CSMD1: variants seen among roughly 807,000 people sequenced by gnomAD.
The protein encoded by CSMD1 is CUB and sushi domain-containing protein 1.
Under a neutral mutation model 417.5 loss-of-function variants are expected in CSMD1, and 213 were observed. That is an observed-to-expected ratio of 0.51 (90% CI 0.46 to 0.57). The LOEUF is 0.57. CSMD1 is among the 20% of genes least tolerant of loss of function. CSMD1 has a pLI of 0.00. For synonymous variants in CSMD1, 2,862 were observed against 1,736.8 expected (o/e 1.65, Z -16.11); for missense variants, 6,923 against 4,529.7 (o/e 1.53, Z -15.17).
intron 5 of CSMD1, among the ~76,000 whole-genome samples, chr8:3,788,904 G>C (rs766311414): frequency 8.5e-5 from 13 of 152,166 alleles, no homozygotes; most frequent in Non-Finnish European, 1.8e-4. Context: ...GCTCAGAGGA[G>C]GAAAGGGACT....
chr8:4,377,696 A>C (rs988231019), intron 3 of CSMD1, among the ~76,000 whole-genome samples: 1 of 152,212 alleles, frequency 6.6e-6, no homozygotes, highest in Admixed American at 6.5e-5. Flanking sequence ...TAAAAATTTC[A>C]TCTGTGGCAT....
intron 4 of CSMD1, among the ~76,000 whole-genome samples, chr8:4,002,202 T>G (rs1266962151): frequency 6.6e-6 from 1 of 151,338 alleles, no homozygotes; most frequent in Non-Finnish European, 1.5e-5. Flanking sequence ...TTGGTGCCTG[T>G]GAGTGTGTGT....
intron 3 of CSMD1, among the ~76,000 whole-genome samples, chr8:4,400,906 T>A (rs918575085): frequency 6.6e-6 from 1 of 152,120 alleles, no homozygotes; most frequent in Non-Finnish European, 1.5e-5. Flanking sequence ...TTTTGTATAT[T>A]GCAATGACTC....
At chr8:4,568,950 C>T (rs1050511318) in intron 2 of CSMD1, among the ~76,000 whole-genome samples, 2 of 152,040 alleles carry the variant, frequency 1.3e-5, no homozygotes, top group East Asian at 1.9e-4. Flanking sequence ...TATCCTTCAC[C>T]CGCTTTTTGA....
intron 8 of CSMD1, among the ~76,000 whole-genome samples, chr8:3,609,959 G>A (rs1053303003): frequency 2.6e-5 from 4 of 151,368 alleles, no homozygotes; most frequent in Admixed American, 6.6e-5. Flanking sequence ...ACACCAACAT[G>A]CCCAGCTAAT....
rs556024807 is a variant in CSMD1, at chr8:3,452,536, A to C, written c.1561+16176T>G. The stretch of plus-strand genomic sequence containing the variant: ...GAGTTTTTAGCATGAAGTGTTGTTG[A>C]ATTTTGTCAAAGGCCTTTTCTGCAT... On this transcript the variant is annotated intron_variant, in intron 12 of 69. Coordinates refer to ENST00000635120, the MANE Select transcript of CSMD1 (RefSeq NM_033225.6). Among the ~76,000 whole-genome samples, 144 of 152,242 alleles carry C rather than the reference A, an allele frequency of 9.5e-4. 1 individual carries two copies. Among genetic ancestry groups the C allele is most frequent in the African/African-American group, 3.4e-3 (141 of 41,526 alleles).
chr8:4,253,784 T>C (rs1279715109), intron 3 of CSMD1, among the ~76,000 whole-genome samples: 1 of 152,010 alleles, frequency 6.6e-6, no homozygotes, highest in Non-Finnish European at 1.5e-5. Context: ...ATGAAAATTT[T>C]GCCTGTATTT....
intron 33 of CSMD1, among the ~76,000 whole-genome samples, chr8:3,192,409 T>C (rs146999826): frequency 6.6e-6 from 1 of 152,352 alleles, no homozygotes; most frequent in Non-Finnish European, 1.5e-5. Flanking sequence ...TGATGTCTAA[T>C]ACATGCTTTA....
At chr8:4,162,137 A>G (rs1200352309) in intron 3 of CSMD1, among the ~76,000 whole-genome samples, 1 of 152,146 alleles carries the variant, frequency 6.6e-6, no homozygotes, top group African/African-American at 2.4e-5. Context: ...AATAAACTAA[A>G]CCAGTGCGAC....
chr8:4,106,526 A>G (rs1042996172), intron 3 of CSMD1, among the ~76,000 whole-genome samples: 2 of 152,184 alleles, frequency 1.3e-5, no homozygotes, highest in African/African-American at 4.8e-5. Context: ...GCCTCCTATG[A>G]TATTTTAAAT....
At chr8:4,896,280 A>C (rs1477866055) in intron 1 of CSMD1, among the ~76,000 whole-genome samples, 1 of 152,096 alleles carries the variant, frequency 6.6e-6, no homozygotes, top group Non-Finnish European at 1.5e-5. Context: ...TCCCTAGCAT[A>C]TCGCTAATTA....
At chr8:3,693,638 G>A (rs1295287423) in intron 7 of CSMD1, among the ~76,000 whole-genome samples, 1 of 152,094 alleles carries the variant, frequency 6.6e-6, no homozygotes, top group East Asian at 1.9e-4. Flanking sequence ...ATAAATAAAT[G>A]TGTACATATA....
In CSMD1 at chr8:4,116,013, T is replaced by C. The variant is rs1802119982; in HGVS notation, c.416-83914A>G. Among the ~76,000 whole-genome samples, 13 of 123,272 alleles carry C rather than the reference T, an allele frequency of 1.1e-4. 1 individual carries two copies. The South Asian group carries it at 3.3e-3, about 31-fold the overall frequency. 80.9% of individuals were successfully genotyped at this position (123,272 alleles called of 152,430 possible). On this transcript the variant is annotated intron_variant, in intron 3 of 69. Transcript: ENST00000635120. ...ATTTATTTATTTATTTATTTATTTA[T>C]TTATGGAGAGGGAGTCTCACTCTGT...
chr8:3,338,261 C>A (rs1394955847), intron 23 of CSMD1, among the ~76,000 whole-genome samples: 1 of 152,190 alleles, frequency 6.6e-6, no homozygotes, highest in Non-Finnish European at 1.5e-5. Flanking sequence ...CGCCTCTATG[C>A]CCAGGGAGTG....
chr8:4,821,028 T>G (rs968726042), intron 1 of CSMD1, among the ~76,000 whole-genome samples: 11 of 152,120 alleles, frequency 7.2e-5, no homozygotes, highest in African/African-American at 2.4e-4. Flanking sequence ...TCGCACGGCT[T>G]AGATTGCTCC....
At chr8:4,444,241 C>G (rs1019929239) in intron 2 of CSMD1, among the ~76,000 whole-genome samples, 1 of 147,254 alleles carries the variant, frequency 6.8e-6, no homozygotes, top group African/African-American at 2.5e-5. Flanking sequence ...ACTCGGGAGG[C>G]TGAGGCAGGA....
chr8:3,421,420 G>A (rs1390861875), intron 12 of CSMD1, among the ~76,000 whole-genome samples: 1 of 152,174 alleles, frequency 6.6e-6, no homozygotes, highest in Admixed American at 6.5e-5. Flanking sequence ...ACAATCCCAG[G>A]TTGTGATTAA....
At chr8:3,776,756 A>G (rs1200900911) in intron 5 of CSMD1, among the ~76,000 whole-genome samples, 1 of 148,862 alleles carries the variant, frequency 6.7e-6, no homozygotes, top group Admixed American at 6.6e-5. Context: ...TAGGCAGAAA[A>G]AAGATACAGA....
At chr8:3,221,114 G>A (rs115945837) in intron 28 of CSMD1, among the ~76,000 whole-genome samples, 2,655 of 152,192 alleles carry the variant, frequency 0.017, 79 homozygotes, top group African/African-American at 0.06. Context: ...AATAGCAACA[G>A]AAGTTCCCTC....
Sources: allele counts gnomAD v4.1 joint callset (sites outside exome capture counted in the v4.1 genomes callset), GRCh38; gene constraint gnomAD v4.1.1; transcripts MANE v1.5; gene names NCBI Gene and HGNC (gene_info 2026-07-23, HGNC 2026-07-21).